The following PCDH15 variants were observed in gnomAD, a reference collection of about 807,000 sequenced individuals.
PCDH15 encodes the protein protocadherin-15.
A neutral mutation model predicts 178.5 loss-of-function variants in PCDH15; 129 were observed. The ratio of observed to expected loss-of-function variants is 0.72; its 90% CI spans 0.63 to 0.84. The LOEUF (loss-of-function observed/expected upper bound fraction) is 0.84. Among genes scored for constraint, PCDH15 ranks in the 40% least tolerant of loss-of-function variants. The pLI, the probability that PCDH15 is intolerant of heterozygous loss-of-function variation, is 0.00. For missense variants in PCDH15, 2,230 were observed against 2,099.9 expected, an observed-to-expected ratio of 1.06 and a Z score of -1.21; for synonymous variants, 800 against 732.0, an observed-to-expected ratio of 1.09 and a Z score of -1.50.
At position 55,517,691 on chromosome 10, in the gene PCDH15, C is replaced by T. The variant is rs1396399032; in HGVS notation, c.-156+109934G>A. Reference sequence around the variant, plus strand: ...AATAAAACTTAAGTTCATGCTAAAACCTGTATATAGATGTTTATCGCAGCT... The same window carrying T: ...AATAAAACTTAAGTTCATGCTAAAATCTGTATATAGATGTTTATCGCAGCT... On this transcript the variant is annotated intron_variant, in intron 2 of 5. Coordinates refer to the PCDH15 transcript ENST00000613346. Among the ~76,000 whole-genome samples the T allele has an allele frequency of 2.0e-5, 3 of 152,046 alleles. No homozygotes were observed. In the East Asian group the frequency reaches 5.8e-4, roughly 29 times the overall value.
intron 2 of PCDH15, among the ~76,000 whole-genome samples, chr10:55,421,297 G>T (rs1245789149): frequency 6.7e-6 from 1 of 150,178 alleles, no homozygotes; most frequent in Non-Finnish European, 1.5e-5. Context: ...ATTTAAAATT[G>T]GATATCTAAT....
At chr10:55,409,595 C>CGTA (rs1359735363) in intron 2 of PCDH15, among the ~76,000 whole-genome samples, 2 of 151,756 alleles carry the variant, frequency 1.3e-5, no homozygotes, top group Non-Finnish European at 2.9e-5. Flanking sequence ...ATCACCATAC[C>CGTA]GTTCAGTGGT....
rs187360631 is a variant in PCDH15 at position 53,886,768 on chromosome 10, A to G, written c.3501+16475T>C. Among the ~76,000 whole-genome samples, 11 of 152,220 alleles carry G rather than the reference A, an allele frequency of 7.2e-5. No individual in the cohort carries two copies. The East Asian group carries it at 7.7e-4, about 11-fold the overall frequency. On this transcript the variant is annotated intron_variant, in intron 26 of 37. Coordinates refer to ENST00000644397, the MANE Select transcript of PCDH15 (RefSeq NM_001384140.1). ...CAAATGTTACTTAATCTCAAAGTGA[A>G]TATGTTCAGAGCTCACTGCCTTCTG...
At chr10:55,382,089 A>G (rs372066976) in intron 2 of PCDH15, among the ~76,000 whole-genome samples, 64 of 152,324 alleles carry the variant, frequency 4.2e-4, no homozygotes, top group African/African-American at 1.4e-3. Flanking sequence ...CACCTTCTTA[A>G]GCCTGTTTGG....
intron 2 of PCDH15, among the ~76,000 whole-genome samples, chr10:54,946,216 A>C (rs1309321883): frequency 1.3e-5 from 2 of 151,840 alleles, no homozygotes; most frequent in Admixed American, 6.6e-5. Flanking sequence ...TAGATGAGAG[A>C]TATCACAGCC....
At chr10:53,946,380 G>A (rs187314876) in intron 23 of PCDH15, among the ~76,000 whole-genome samples, 16 of 152,156 alleles carry the variant, frequency 1.1e-4, no homozygotes, top group South Asian at 2.1e-4. Context: ...TCTGTTTTTC[G>A]TCTACTCATC....
chr10:54,678,040 G>A (rs1279293752), intron 1 of PCDH15, among the ~76,000 whole-genome samples: 1 of 152,128 alleles, frequency 6.6e-6, no homozygotes, highest in Non-Finnish European at 1.5e-5. Flanking sequence ...AATGTACCAG[G>A]ATGCTGAGGA....
intron 2 of PCDH15, among the ~76,000 whole-genome samples, chr10:55,485,367 C>T (rs951753859): frequency 9.2e-5 from 14 of 151,590 alleles, no homozygotes; most frequent in African/African-American, 3.1e-4. Flanking sequence ...GGTCTGATTG[C>T]AAAAATTCAA....
Position 53,806,938 on chromosome 10 carries a change from T to G in PCDH15, c.4864A>C (p.Asn1622His), listed in dbSNP as rs758667264. ...VRTRRACLTD[N>H]LKVASPVRLG... ...CGAACAGGGGAAGCAACTTTTAAGT[T>G]GTCCGTGAGGCAGGCACGGCGGGTT... is the stretch of plus-strand genomic sequence containing the variant. The change falls in exon 38 of 38, where the codon AAC becomes CAC. Residue 1622 changes from asparagine to histidine, a missense_variant. Transcript: ENST00000644397. 1 of 1,613,896 alleles carries G rather than the reference T, an allele frequency of 6.2e-7. No homozygotes were observed. The highest frequency in any genetic ancestry group is 1.3e-5 in the African/African-American group (1 of 75,028).
intron 2 of PCDH15, among the ~76,000 whole-genome samples, chr10:55,449,173 A>G (rs1202920570): frequency 6.6e-6 from 1 of 152,066 alleles, no homozygotes; most frequent in Non-Finnish European, 1.5e-5. Flanking sequence ...AATGTCACCA[A>G]TCACCTCATT....
chr10:55,161,524 A>G (rs1857441), intron 2 of PCDH15, among the ~76,000 whole-genome samples: 151,361 of 152,166 alleles, frequency 0.99, 75,288 homozygotes, highest in East Asian at 1. Flanking sequence ...AGTAGATGCC[A>G]GAGAGACCCA....
intron 1 of PCDH15, among the ~76,000 whole-genome samples, chr10:55,172,271 G>A (rs1839356504): frequency 6.6e-6 from 1 of 151,572 alleles, no homozygotes; most frequent in Non-Finnish European, 1.5e-5. Flanking sequence ...ATTATTTATT[G>A]GCATTATTTC....
rs144779200 is a variant in PCDH15, at chr10:54,081,839, A to G, written c.1998-2415T>C. 8.2e-3 allele frequency among the ~76,000 whole-genome samples: 1,254 copies of G among 152,306 alleles called. 14 individuals carry two copies. The highest frequency in any genetic ancestry group is 0.029 in the African/African-American group (1,190 of 41,574). On this transcript the variant is annotated intron_variant, in intron 16 of 37. Transcript: ENST00000644397. ...TTTCCCAGGAGTGATGTCAGTGGAAATGGAGAAGACAGCCCCAAGAGATGG... is the reference window on the plus strand; with the variant it reads ...TTTCCCAGGAGTGATGTCAGTGGAAGTGGAGAAGACAGCCCCAAGAGATGG...
chr10:54,704,211 C>T (rs1012589284), intron 1 of PCDH15, among the ~76,000 whole-genome samples: 3 of 151,942 alleles, frequency 2.0e-5, no homozygotes, highest in African/African-American at 4.8e-5. Flanking sequence ...AATGAAGATG[C>T]CAAAAGCAAT....
Position 53,806,683 on chromosome 10 carries a change from T to G in PCDH15, c.5119A>C (p.Ile1707Leu). 1 of 1,613,920 alleles carries G rather than the reference T, an allele frequency of 6.2e-7. No individual in the cohort carries two copies. The highest frequency in any genetic ancestry group is 8.5e-7 in the Non-Finnish European group (1 of 1,179,818). ...CTATGAAATTCCAAAGCCTCCTTGA[T>G]GTTCTTACTGTCAATCATGGACTCC... ...EQESMIDSKN[I>L]KEALEFHSDH... The change falls in exon 38 of 38, where the codon ATC becomes CTC. Residue 1707 changes from isoleucine to leucine, a missense_variant. Transcript: ENST00000644397.
At chr10:53,959,264 A>G (rs1275427560) in intron 23 of PCDH15, among the ~76,000 whole-genome samples, 1 of 146,130 alleles carries the variant, frequency 6.8e-6, no homozygotes, top group Non-Finnish European at 1.5e-5. Flanking sequence ...ATATATATAT[A>G]TACACACTAT....
intron 2 of PCDH15, among the ~76,000 whole-genome samples, chr10:54,908,692 C>T (rs542421316): frequency 2.0e-5 from 3 of 152,288 alleles, no homozygotes; most frequent in South Asian, 2.1e-4. Flanking sequence ...AGAGGAGACC[C>T]GCAGTGGGCA....
chr10:54,725,895 A>G (rs1441784612), intron 1 of PCDH15, among the ~76,000 whole-genome samples: 1 of 148,038 alleles, frequency 6.8e-6, no homozygotes, highest in South Asian at 2.1e-4. Flanking sequence ...TGGTAAAAAA[A>G]AATTACTGCT....
chr10:53,956,865 G>A (rs2087660899), intron 23 of PCDH15, among the ~76,000 whole-genome samples: 2 of 152,172 alleles, frequency 1.3e-5, no homozygotes, highest in African/African-American at 4.8e-5. Flanking sequence ...ACTTTATTAA[G>A]AGAATCTATT....
Sources: gnomAD v4.1 joint callset for allele counts (sites outside exome capture counted in the v4.1 genomes callset) on GRCh38, gnomAD v4.1.1 for gene constraint, MANE v1.5 for transcripts, NCBI Gene and HGNC (gene_info 2026-07-23, HGNC 2026-07-21) for gene names.